Variants in CLNS1A observed in about 807,000 individuals in gnomAD.
The protein encoded by CLNS1A is methylosome subunit pICln.
Under a neutral mutation model 29.4 loss-of-function variants are expected in CLNS1A, and 16 were observed. That is an observed-to-expected ratio of 0.54 (90% confidence interval 0.37 to 0.83). CLNS1A has a LOEUF of 0.83. CLNS1A is among the 40% of genes least tolerant of loss of function. The pLI, the probability that CLNS1A is intolerant of heterozygous loss-of-function variation, is 0.00. For missense variants in CLNS1A, 235 were observed against 287.4 expected, an observed-to-expected ratio of 0.82 and a Z score of 1.32; for synonymous variants, 96 against 104.8, an observed-to-expected ratio of 0.92 and a Z score of 0.51.
intron 1 of CLNS1A, among the ~76,000 whole-genome samples, chr11:77,632,368 G>C (rs549507906): frequency 6.6e-6 from 1 of 152,172 alleles, no homozygotes; most frequent in African/African-American, 2.4e-5. Context: ...CATAAAACTT[G>C]AATGACTCAA....
At chr11:77,634,119 C>A (rs1455259379) in intron 1 of CLNS1A, among the ~76,000 whole-genome samples, 1 of 151,268 alleles carries the variant, frequency 6.6e-6, no homozygotes, top group Non-Finnish European at 1.5e-5. Context: ...AAAAAAAATT[C>A]AACTTCCTAT....
At chr11:77,633,287 G>A (rs1351941351) in intron 1 of CLNS1A, among the ~76,000 whole-genome samples, 1 of 152,092 alleles carries the variant, frequency 6.6e-6, no homozygotes, top group Non-Finnish European at 1.5e-5. Flanking sequence ...TGGGATGATT[G>A]TAATAAATCT....
At chr11:77,620,980 TTAAATAAA>T (rs772177956) in intron 5 of CLNS1A, among the ~76,000 whole-genome samples, 4 of 151,484 alleles carry the variant, frequency 2.6e-5, no homozygotes, top group Admixed American at 6.6e-5. Flanking sequence ...AGACTCCGTC[TTAAATAAA>T]TAAATAAATA....
At chr11:77,635,890 C>T (rs1418347578) in intron 1 of CLNS1A, among the ~76,000 whole-genome samples, 1 of 152,032 alleles carries the variant, frequency 6.6e-6, no homozygotes, top group Non-Finnish European at 1.5e-5. Context: ...TTGACTGCTC[C>T]TTCCTCCTTT....
chr11:77,629,735 G>A, intron 2 of CLNS1A, 28 bp downstream of exon 2: 1 of 1,600,298 alleles, frequency 6.2e-7, no homozygotes, highest in Non-Finnish European at 8.5e-7. Context: ...ATCAAAGGAG[G>A]CATTAGATTA....
intron 6 of CLNS1A, among the ~76,000 whole-genome samples, chr11:77,617,300 C>G (rs1347722788): frequency 7.6e-6 from 1 of 131,736 alleles, no homozygotes; most frequent in Admixed American, 8.5e-5. Flanking sequence ...CCCGGGGGGG[C>G]GGAGGATTCG....
intron 1 of CLNS1A, among the ~76,000 whole-genome samples, chr11:77,630,579 G>A (rs575794708): frequency 2.6e-5 from 4 of 152,114 alleles, no homozygotes; most frequent in East Asian, 1.9e-4. Flanking sequence ...TTTATTCAAC[G>A]TCTTTAAGAG....
At chr11:77,629,989 T>C in intron 1 of CLNS1A, 90 bp from the exon 2 acceptor site, 3 of 1,061,860 alleles carry the variant, frequency 2.8e-6, no homozygotes, top group Non-Finnish European at 4.0e-6. Flanking sequence ...TGGACACCTT[T>C]ATGCATATAA....
intron 1 of CLNS1A, among the ~76,000 whole-genome samples, chr11:77,634,888 A>G (rs1281870126): frequency 6.6e-6 from 1 of 151,978 alleles, no homozygotes; most frequent in African/African-American, 2.4e-5. Flanking sequence ...TCAACTGCCC[A>G]GGCTCAAGTA....
At chr11:77,636,309 C>A (rs2135781472) in intron 1 of CLNS1A, among the ~76,000 whole-genome samples, 1 of 152,270 alleles carries the variant, frequency 6.6e-6, no homozygotes, top group South Asian at 2.1e-4. Flanking sequence ...CTCAAGCGAT[C>A]TGCCTGCCTC....
chr11:77,625,180 C>CAAA, intron 3 of CLNS1A, 110 bp from the exon 4 acceptor site: 1 of 706,694 alleles, frequency 1.4e-6, no homozygotes, highest in Non-Finnish European at 2.4e-6. Context: ...CAAAATCTGC[C>CAAA]AAATTGTAAG....
chr11:77,629,050 T>A (rs1380888352), intron 2 of CLNS1A, among the ~76,000 whole-genome samples: 1 of 151,530 alleles, frequency 6.6e-6, no homozygotes, highest in Non-Finnish European at 1.5e-5. Context: ...GGAAAATATA[T>A]CCCCCCTACA....
chr11:77,627,526 C>G (rs1959032905), intron 2 of CLNS1A, among the ~76,000 whole-genome samples: 1 of 151,322 alleles, frequency 6.6e-6, no homozygotes, highest in Admixed American at 6.6e-5. Context: ...GATAGGAAAT[C>G]CTGCATATCT....
chr11:77,631,748 G>T (rs1012360470), intron 1 of CLNS1A, among the ~76,000 whole-genome samples: 2 of 150,208 alleles, frequency 1.3e-5, no homozygotes, highest in Non-Finnish European at 3.0e-5. Context: ...ATAAATCTTT[G>T]TTTTTTTGAG....
Position 77,621,375 on chromosome 11 carries a change from CA to C in CLNS1A, c.646+1124del, listed in dbSNP as rs1426428243. ...AAGGACACAAGACTGAAAGGATATG[CA>C]ACAGAAAATTAATAGTAAATGCATC... On this transcript the variant is annotated intron_variant, in intron 5 of 6. Transcript: ENST00000525428. Among the ~76,000 whole-genome samples the C allele has an allele frequency of 3.3e-5, 5 of 152,120 alleles. No individual in the cohort carries two copies. The Middle Eastern group carries it at 0.014, about 414-fold the overall frequency.
intron 3 of CLNS1A, chr11:77,625,353 C>A: frequency 2.1e-6 from 1 of 467,890 alleles, no homozygotes; most frequent in Non-Finnish European, 3.8e-6. Flanking sequence ...GAAGACTGCT[C>A]TCAGCTGATA....
chr11:77,629,910 T>C lies in CLNS1A; in HGVS notation c.126-11A>G, dbSNP rs1565128759. 6.2e-7 allele frequency: 1 copy of C among 1,613,332 alleles called. No homozygotes were observed. On this transcript the variant is annotated splice_polypyrimidine_tract_variant and intron_variant, in intron 1 of 6. Transcript: ENST00000525428. ...AACCAAGACAGGCGGCTGAAAAACATGTTTTAAGTAGATTATTTTTAGAAA... is the reference window on the plus strand; with the variant it reads ...AACCAAGACAGGCGGCTGAAAAACACGTTTTAAGTAGATTATTTTTAGAAA...
rs531653580 is a variant in CLNS1A at position 77,614,536 on chromosome 11, G to A, written c.*2182C>T. ...TAATTTTTGTATTTTCAGTAGAGAT[G>A]GGTTTTCACCGTATTGGCCAGGCTG... On this transcript the variant is annotated 3_prime_UTR_variant, in exon 7 of 7. Coordinates refer to ENST00000525428, the MANE Select transcript of CLNS1A (RefSeq NM_001293.3). 1 of 151,502 alleles carries A rather than the reference G, an allele frequency of 6.6e-6. No homozygotes were observed. The highest frequency in any genetic ancestry group is 1.9e-4 in the East Asian group (1 of 5,148). 9.4% of individuals were successfully genotyped at this position (151,502 alleles called of 1,614,324 possible).
Position 77,629,808 on chromosome 11 carries a change from A to G in CLNS1A, c.217T>C (p.Cys73Arg). 6.2e-7 allele frequency: 1 copy of G among 1,613,678 alleles called. No homozygotes were observed. The highest frequency in any genetic ancestry group is 8.5e-7 in the Non-Finnish European group (1 of 1,179,978). Residue 73 changes from cysteine (C) to arginine (R), a missense_variant, in exon 2 of 7, where the codon TGT becomes CGT. By Grantham distance (180) the Cys-to-Arg change is radical. Transcript: ENST00000525428. ...LHALSRDRSD[C>R]LGEHLYVMVN... ...ATAACATACAAATGCTCTCCTAGACAGTCACTTCGGTCCCTGGATAATGCA... is the reference window on the plus strand; with the variant it reads ...ATAACATACAAATGCTCTCCTAGACGGTCACTTCGGTCCCTGGATAATGCA...
Sources: allele counts gnomAD v4.1 joint callset (sites outside exome capture counted in the v4.1 genomes callset), GRCh38; gene constraint gnomAD v4.1.1; transcripts MANE v1.5; gene names NCBI Gene and HGNC (gene_info 2026-07-23, HGNC 2026-07-21).